LRP6: variants seen among roughly 807,000 people sequenced by gnomAD.
LRP6 encodes the protein low-density lipoprotein receptor-related protein 6.
LRP6 carries 43 observed loss-of-function variants against 184.1 expected under a neutral mutation model. The ratio of observed to expected loss-of-function variants is 0.23; its 90% CI spans 0.18 to 0.30. The LOEUF is 0.30. Among genes scored for constraint, LRP6 ranks in the 10% least tolerant of loss-of-function variants. The probability of loss-of-function intolerance (pLI) is 1.00; values close to 1 mark genes in which losing one functional copy is unlikely to be tolerated. For synonymous variants in LRP6, 719 were observed against 684.9 expected (o/e 1.05, Z -0.78); for missense variants, 1,571 against 2,005.3 (o/e 0.78, Z 4.14).
At position 12,205,329 on chromosome 12, in the gene LRP6, C is replaced by CAAAAAAAA. The variant is rs56169717; in HGVS notation, c.450-1937_450-1930dup. ...AGAATAAGACTCTGTCTCAAACAAACAAAAAAAAAAAAAAAAAAAAAAAAA... is the reference window on the plus strand; with the variant it reads ...AGAATAAGACTCTGTCTCAAACAAACAAAAAAAAAAAAAAAAAAAAAAAAAAAAAAAAA... On this transcript the variant is annotated intron_variant, in intron 2 of 22. Coordinates refer to ENST00000261349, the MANE Select transcript of LRP6 (RefSeq NM_002336.3). Among the ~76,000 whole-genome samples, 12 of 39,108 alleles carry CAAAAAAAA rather than the reference C, an allele frequency of 3.1e-4. 1 individual carries two copies. The highest frequency in any genetic ancestry group is 3.3e-4 in the Non-Finnish European group (6 of 18,302). 25.7% of individuals were successfully genotyped at this position (39,108 alleles called of 152,430 possible).
At chr12:12,265,775 G>A (rs971244730) in intron 1 of LRP6, among the ~76,000 whole-genome samples, 2 of 152,220 alleles carry the variant, frequency 1.3e-5, no homozygotes, top group Admixed American at 6.5e-5. Flanking sequence ...TTTGTGAACT[G>A]TCACAAAAGT....
chr12:12,124,482 AC>A, intron 22 of LRP6, 82 bp downstream of exon 22: 1 of 917,360 alleles, frequency 1.1e-6, no homozygotes, highest in Non-Finnish European at 1.8e-6. Context: ...ACCATCGTCT[AC>A]TCATTTGGGG....
chr12:12,140,605 C>CTCTT (rs1427181289), intron 15 of LRP6, among the ~76,000 whole-genome samples: 9,618 of 137,930 alleles, frequency 0.07, 422 homozygotes, highest in Admixed American at 0.11. Context: ...TTTTAAAAAT[C>CTCTT]TTTTTTTTTT....
At position 12,184,227 on chromosome 12, in the gene LRP6, G is replaced by C. The variant is rs536829727; in HGVS notation, c.845-116C>G. On this transcript the variant is annotated intron_variant, in intron 4 of 22. Transcript: ENST00000261349. The stretch of plus-strand genomic sequence containing the variant: ...AATTATTACCAAATGTCATGCAGGT[G>C]CTTGACTATCAAACCATCTGCAAAG... The C allele has an allele frequency of 1.9e-4, 157 of 820,998 alleles. 3 individuals carry two copies. Among genetic ancestry groups the C allele is most frequent in the South Asian group, 1.0e-3 (74 of 70,962 alleles). 50.9% of individuals were successfully genotyped at this position (820,998 alleles called of 1,614,324 possible).
Position 12,131,912 on chromosome 12 carries a change from G to T in LRP6, c.3879C>A (p.Phe1293Leu), listed in dbSNP as rs1949764528. Reference sequence around the variant, plus strand: ...CAATACACTGCCCACTGGCACACTGGAACTGGGACTCTGAGCATACAGGAC... The same window carrying T: ...CAATACACTGCCCACTGGCACACTGTAACTGGGACTCTGAGCATACAGGAC... ...LNCPVCSESQFQCASGQCIDG... is the reference protein window; with the variant it reads ...LNCPVCSESQLQCASGQCIDG... Residue 1293 changes from phenylalanine (F) to leucine (L), a missense_variant, in exon 18 of 23, where the codon TTC (phenylalanine) becomes TTA (leucine). Physicochemically the swap from Phe to Leu is conservative, Grantham distance 22 (BLOSUM62 0). This residue lies in a region of LRP6 where 763 missense variants were observed against 859.5 expected (regional missense o/e 0.89). Transcript: ENST00000261349. 1 of 1,614,060 alleles carries T rather than the reference G, an allele frequency of 6.2e-7. No homozygotes were observed. Among genetic ancestry groups the T allele is most frequent in the African/African-American group, 1.3e-5 (1 of 74,934 alleles).
rs534419018 is a variant in LRP6 at position 12,143,382 on chromosome 12, G to C, written c.3397+3984C>G. Among the ~76,000 whole-genome samples the C allele has an allele frequency of 3.9e-5, 6 of 152,246 alleles. No homozygotes were observed. In the South Asian group the frequency reaches 1.2e-3, roughly 32 times the overall value. On this transcript the variant is annotated intron_variant, in intron 15 of 22. Coordinates refer to ENST00000261349, the MANE Select transcript of LRP6 (RefSeq NM_002336.3). ...AAACCCAATGAACATCTTAGTATGT[G>C]ATTTTTTTTGGAAGGGGAAACTCAC...
At position 12,130,781 on chromosome 12, in the gene LRP6, AC is replaced by A. The variant is rs1382560328; in HGVS notation, c.4081+1del. 1 of 1,590,578 alleles carries A rather than the reference AC, an allele frequency of 6.3e-7. No homozygotes were observed. Among genetic ancestry groups the A allele is most frequent in the Non-Finnish European group, 8.6e-7 (1 of 1,158,680 alleles). On this transcript the variant is annotated splice_donor_variant, in intron 19 of 22. Transcript: ENST00000261349. LOFTEE classifies it high-confidence loss of function. The stretch of plus-strand genomic sequence containing the variant: ...TAATTTATAGATCTCAGTCCTACTT[AC>A]AACAATCCAGTTCATCTGACTTGTC...
At chr12:12,123,142 A>C (rs777404044) in intron 22 of LRP6, among the ~76,000 whole-genome samples, 1 of 152,248 alleles carries the variant, frequency 6.6e-6, no homozygotes, top group Non-Finnish European at 1.5e-5. Flanking sequence ...CAGAGGAAAC[A>C]GAAATTGGGC....
chr12:12,260,556 C>A (rs769004357), intron 1 of LRP6, among the ~76,000 whole-genome samples: 5 of 152,104 alleles, frequency 3.3e-5, no homozygotes, highest in Non-Finnish European at 1.5e-5. Context: ...CAGGACATAG[C>A]GACACTTAAA....
chr12:12,195,446 T>C (rs1480206507), intron 3 of LRP6, among the ~76,000 whole-genome samples: 1 of 152,102 alleles, frequency 6.6e-6, no homozygotes, highest in African/African-American at 2.4e-5. Flanking sequence ...TCCTGGATGA[T>C]TTGTGATGTT....
intron 12 of LRP6, among the ~76,000 whole-genome samples, chr12:12,153,956 C>T (rs1213949123): frequency 2.6e-5 from 4 of 152,338 alleles, no homozygotes; most frequent in East Asian, 3.9e-4. Flanking sequence ...ACCATTTGTG[C>T]TCTGTGCCAG....
intron 3 of LRP6, among the ~76,000 whole-genome samples, chr12:12,197,079 TA>T (rs1565632907): frequency 6.6e-6 from 1 of 152,166 alleles, no homozygotes. Flanking sequence ...TTCAAGGTAA[TA>T]AATTTGTTCC....
At chr12:12,263,624 C>T (rs975788101) in intron 1 of LRP6, among the ~76,000 whole-genome samples, 1 of 151,098 alleles carries the variant, frequency 6.6e-6, no homozygotes, top group East Asian at 1.9e-4. Flanking sequence ...GGGAGGATCA[C>T]TTGAGCCCAG....
At position 12,158,936 on chromosome 12, in the gene LRP6, G is replaced by A; in HGVS notation, c.2684C>T (p.Ser895Phe). Reference protein sequence around the residue: ...SRQSGWNECASSNGHCSHLCL... With the variant: ...SRQSGWNECAFSNGHCSHLCL... ...GAGGTGGGAGCAGTGCCCATTGCTGGAAGCACATTCATTCCACCCTGACTG... is the reference window on the plus strand; with the variant it reads ...GAGGTGGGAGCAGTGCCCATTGCTGAAAGCACATTCATTCCACCCTGACTG... The change falls in exon 12 of 23, where the codon TCC (serine) becomes TTC (phenylalanine). Residue 895 changes from serine (S) to phenylalanine (F), a missense_variant. Coordinates refer to ENST00000261349, the MANE Select transcript of LRP6 (RefSeq NM_002336.3). 1 of 1,614,188 alleles carries A rather than the reference G, an allele frequency of 6.2e-7. No homozygotes were observed. Among genetic ancestry groups the A allele is most frequent in the Non-Finnish European group, 8.5e-7 (1 of 1,180,030 alleles).
chr12:12,236,266 G>A (rs569392420), intron 2 of LRP6, among the ~76,000 whole-genome samples: 11 of 151,814 alleles, frequency 7.2e-5, no homozygotes, highest in African/African-American at 2.4e-4. Context: ...AAACAATGAG[G>A]GCATGTACAA....
Position 12,147,427 on chromosome 12 carries a change from C to G in LRP6, c.3336G>C (p.Arg1112Ser). ...AATCAGCCCAAAAGAGCTTGCCCAG[C>G]CTGCTATCAAGGGCTAAAGCAATTG... is the stretch of plus-strand genomic sequence containing the variant. Reference protein sequence around the residue: ...SKPIALALDSRLGKLFWADSD... With the variant: ...SKPIALALDSSLGKLFWADSD... The change falls in exon 15 of 23, where the codon AGG becomes AGC. Residue 1112 changes from arginine (R) to serine (S), a missense_variant. Coordinates refer to ENST00000261349, the MANE Select transcript of LRP6 (RefSeq NM_002336.3). 6.2e-7 allele frequency: 1 copy of G among 1,614,116 alleles called. No individual in the cohort carries two copies. Among genetic ancestry groups the G allele is most frequent in the South Asian group, 1.1e-5 (1 of 91,078 alleles).
rs1258349722 is a variant in LRP6, at chr12:12,132,036, T to A, written c.3755A>T (p.Gln1252Leu). ...TTCCCCCGTGAAACAAGTAAACTGC[T>A]GAGGAGAACATGTTGGAGGTTCTTC... Reference protein sequence around the residue: ...SCGEPPTCSPQQFTCFTGEID... With the variant: ...SCGEPPTCSPLQFTCFTGEID... The change falls in exon 18 of 23, where the codon CAG becomes CTG. Residue 1252 changes from glutamine (Q) to leucine (L), a missense_variant. Coordinates refer to ENST00000261349, the MANE Select transcript of LRP6 (RefSeq NM_002336.3). 1.2e-5 allele frequency: 20 copies of A among 1,613,716 alleles called. No individual in the cohort carries two copies. The Admixed American group carries it at 3.2e-4, about 26-fold the overall frequency.
At chr12:12,233,003 G>A (rs1357781579) in intron 2 of LRP6, among the ~76,000 whole-genome samples, 1 of 152,148 alleles carries the variant, frequency 6.6e-6, no homozygotes, top group East Asian at 1.9e-4. Context: ...AATAATCTTA[G>A]CAACACTACA....
intron 1 of LRP6, among the ~76,000 whole-genome samples, chr12:12,254,063 G>A (rs1243535506): frequency 1.4e-5 from 2 of 147,188 alleles, no homozygotes; most frequent in Admixed American, 1.4e-4. Flanking sequence ...AGGATCACTT[G>A]AGCCCAGGAG....
Sources: allele counts gnomAD v4.1 joint callset (sites outside exome capture counted in the v4.1 genomes callset), GRCh38; gene constraint gnomAD v4.1.1; regional missense constraint gnomAD v4.1.1; transcripts MANE v1.5; gene names NCBI Gene and HGNC (gene_info 2026-07-23, HGNC 2026-07-21).